DTWD2: variants seen among roughly 807,000 people sequenced by gnomAD.
The protein encoded by DTWD2 is DTW motif tRNA-uridine aminocarboxypropyltransferase 2.
In DTWD2, 39 loss-of-function variants were observed where a neutral mutation model predicts 31.8. That is an observed-to-expected ratio of 1.22 (90% confidence interval 0.95 to 1.60). DTWD2 has a LOEUF of 1.60. DTWD2 is among the 40% of genes most tolerant of loss of function. The pLI, the probability that DTWD2 is intolerant of heterozygous loss-of-function variation, is 0.00. For missense variants in DTWD2, 515 were observed against 381.5 expected (o/e 1.35, Z -2.92); for synonymous variants, 180 against 142.8 (o/e 1.26, Z -1.86).
chr5:118,902,125 C>T (rs755667054), intron 4 of DTWD2, among the ~76,000 whole-genome samples: 1 of 151,910 alleles, frequency 6.6e-6, no homozygotes, highest in Non-Finnish European at 1.5e-5. Context: ...ATCTAGTGAT[C>T]CTGAGAAACA....
chr5:118,855,693 G>C (rs781330375), intron 4 of DTWD2, among the ~76,000 whole-genome samples: 1 of 152,030 alleles, frequency 6.6e-6, no homozygotes, highest in East Asian at 1.9e-4. Context: ...TACCACCCTT[G>C]TTAGAAATAT....
rs116843239 is a variant in DTWD2, at chr5:118,868,292, T to A, written c.598-20074A>T. On this transcript the variant is annotated intron_variant, in intron 4 of 5. Coordinates refer to ENST00000510708, the MANE Select transcript of DTWD2 (RefSeq NM_173666.4). ...AATGAATCACGGACTAAACCATAAG[T>A]GCTAAAACTATAAAATTCTTAGAAA... Among the ~76,000 whole-genome samples, 179 of 151,816 alleles carry A rather than the reference T, an allele frequency of 1.2e-3. 3 individuals are homozygous for A. The East Asian group carries it at 0.032, about 27-fold the overall frequency.
chr5:118,849,796 T>C (rs1561424996), intron 4 of DTWD2, among the ~76,000 whole-genome samples: 1 of 152,038 alleles, frequency 6.6e-6, no homozygotes, highest in Admixed American at 6.6e-5. Context: ...AAACACCACA[T>C]GTTTTCACTT....
intron 4 of DTWD2, among the ~76,000 whole-genome samples, chr5:118,903,283 A>G (rs1580796843): frequency 1.3e-5 from 2 of 152,058 alleles, no homozygotes; most frequent in African/African-American, 4.8e-5. Flanking sequence ...AGCATTATCA[A>G]TGTGTTTTCA....
rs144740492 is a variant in DTWD2 at position 118,892,978 on chromosome 5, G to A, written c.597+35559C>T. Among the ~76,000 whole-genome samples the A allele has an allele frequency of 1.5e-4, 23 of 152,074 alleles. 1 individual carries two copies. In the East Asian group the frequency reaches 4.4e-3, roughly 29 times the overall value. On this transcript the variant is annotated intron_variant, in intron 4 of 5. Coordinates refer to ENST00000510708, the MANE Select transcript of DTWD2 (RefSeq NM_173666.4). ...TATAAAAAGAATAAGGAAGATCTCT[G>A]AACAGATATGGGAGTGGTTACTAGG...
At chr5:118,866,603 A>C (rs894140593) in intron 4 of DTWD2, among the ~76,000 whole-genome samples, 1 of 152,214 alleles carries the variant, frequency 6.6e-6, no homozygotes, top group Non-Finnish European at 1.5e-5. Context: ...TGTTTTAAAA[A>C]TATAAATTCT....
chr5:118,877,409 T>G (rs1346102607), intron 4 of DTWD2, among the ~76,000 whole-genome samples: 2 of 151,896 alleles, frequency 1.3e-5, no homozygotes, highest in African/African-American at 4.8e-5. Flanking sequence ...GAGATGGAGC[T>G]TGCAGTGAGC....
chr5:118,899,568 C>T (rs902563345), intron 4 of DTWD2, among the ~76,000 whole-genome samples: 2 of 152,052 alleles, frequency 1.3e-5, no homozygotes, highest in Non-Finnish European at 2.9e-5. Context: ...GTGCCCAAAT[C>T]ATAACTGTAC....
intron 4 of DTWD2, among the ~76,000 whole-genome samples, chr5:118,883,208 A>G (rs1231569628): frequency 6.6e-6 from 1 of 152,208 alleles, no homozygotes; most frequent in Non-Finnish European, 1.5e-5. Flanking sequence ...AAGCATAGCA[A>G]GAGTGACCTT....
At chr5:118,881,349 C>CA (rs533279686) in intron 4 of DTWD2, among the ~76,000 whole-genome samples, 23 of 151,868 alleles carry the variant, frequency 1.5e-4, no homozygotes, top group African/African-American at 5.3e-4. Context: ...TTGCTAATTT[C>CA]AAAAAAATAT....
chr5:118,843,811 C>G (rs937532131), intron 5 of DTWD2, among the ~76,000 whole-genome samples: 2 of 152,210 alleles, frequency 1.3e-5, no homozygotes, highest in African/African-American at 4.8e-5. Context: ...TTGGTACTCC[C>G]TACAGCTGTT....
At chr5:118,869,231 C>CT (rs961062599) in intron 4 of DTWD2, among the ~76,000 whole-genome samples, 6 of 151,986 alleles carry the variant, frequency 3.9e-5, no homozygotes, top group African/African-American at 7.3e-5. Context: ...TTTACCACAA[C>CT]TTTTTTTACA....
At chr5:118,969,632 TAAC>T (rs1286348497) in intron 1 of DTWD2, among the ~76,000 whole-genome samples, 5 of 151,612 alleles carry the variant, frequency 3.3e-5, no homozygotes, top group African/African-American at 4.9e-5. Flanking sequence ...CGGAAAACAA[TAAC>T]AACAACAATA....
At position 118,947,280 on chromosome 5, in the gene DTWD2, C is replaced by A. The variant is rs79392213; in HGVS notation, c.219-2631G>T. Among the ~76,000 whole-genome samples, 941 of 152,234 alleles carry A rather than the reference C, an allele frequency of 6.2e-3. 3 individuals are homozygous for A. Among genetic ancestry groups the A allele is most frequent in the East Asian group, 0.043 (225 of 5,174 alleles). ...AGCTTTGCTGCCCACACTGGTGGCACCCAAGCTCTTGTTCGGCGTCCAGTA... is the reference window on the plus strand; with the variant it reads ...AGCTTTGCTGCCCACACTGGTGGCAACCAAGCTCTTGTTCGGCGTCCAGTA... On this transcript the variant is annotated intron_variant, in intron 1 of 5. Transcript: ENST00000510708.
chr5:118,901,219 T>C (rs1753204095), intron 4 of DTWD2, among the ~76,000 whole-genome samples: 2 of 152,160 alleles, frequency 1.3e-5, no homozygotes, highest in African/African-American at 4.8e-5. Context: ...CAACACCCTA[T>C]GACTTCCCTT....
At chr5:118,898,871 G>T (rs1753142659) in intron 4 of DTWD2, among the ~76,000 whole-genome samples, 1 of 152,140 alleles carries the variant, frequency 6.6e-6, no homozygotes, top group Non-Finnish European at 1.5e-5. Flanking sequence ...ACACTTGATT[G>T]AGAAGTAAAT....
chr5:118,943,059 C>A (rs1302384512), intron 2 of DTWD2, among the ~76,000 whole-genome samples: 1 of 152,160 alleles, frequency 6.6e-6, no homozygotes, highest in African/African-American at 2.4e-5. Context: ...CTTCTTCAGC[C>A]TCCCAAAGTG....
In DTWD2 at chr5:118,898,331, T is replaced by A. The variant is rs74385917; in HGVS notation, c.597+30206A>T. Among the ~76,000 whole-genome samples, 245 of 152,196 alleles carry A rather than the reference T, an allele frequency of 1.6e-3. 5 individuals carry two copies. The East Asian group carries it at 0.043, about 27-fold the overall frequency. ...AAACAAAAAAATTAATGTACAACAT[T>A]ACAATGAATCCCTGATCAGCAAAGA... On this transcript the variant is annotated intron_variant, in intron 4 of 5. Transcript: ENST00000510708.
intron 3 of DTWD2, among the ~76,000 whole-genome samples, chr5:118,929,432 C>T (rs1455807035): frequency 4.6e-5 from 7 of 152,118 alleles, no homozygotes; most frequent in Non-Finnish European, 1.0e-4. Context: ...CACACCCCAA[C>T]CTGTAACCAA....
Sources: gnomAD v4.1 joint callset for allele counts (sites outside exome capture counted in the v4.1 genomes callset) on GRCh38, gnomAD v4.1.1 for gene constraint, MANE v1.5 for transcripts, NCBI Gene and HGNC (gene_info 2026-07-23, HGNC 2026-07-21) for gene names.